Variants in PRELID2 observed in about 807,000 individuals in gnomAD.
PRELID2 encodes the protein PRELI domain containing 2.
Under a neutral mutation model 28.4 loss-of-function variants are expected in PRELID2, and 25 were observed. That is an observed-to-expected ratio of 0.88 (90% CI 0.64 to 1.23). The LOEUF is 1.23. Ranked by LOEUF, PRELID2 falls within the 50% of genes most tolerant of loss-of-function variation. The pLI is 0.00. For synonymous variants in PRELID2, 76 were observed against 71.6 expected, an observed-to-expected ratio of 1.06 and a Z score of -0.31; for missense variants, 201 against 214.4, an observed-to-expected ratio of 0.94 and a Z score of 0.39.
intron 1 of PRELID2, among the ~76,000 whole-genome samples, chr5:145,476,383 G>A (rs1580951101): frequency 6.6e-6 from 1 of 152,322 alleles, no homozygotes. Context: ...GGTGGCTCAC[G>A]CCTGTAATTC....
the PRELID2 span, among the ~76,000 whole-genome samples, chr5:145,291,261 C>T: frequency 5.9e-4 from 84 of 141,954 alleles, 1 homozygote; most frequent in Non-Finnish European, 2.0e-4. Flanking sequence ...TGCTTGAACC[C>T]GGGAGGCGGA....
intron 1 of PRELID2, among the ~76,000 whole-genome samples, chr5:145,749,260 A>G (rs141399282): frequency 0.024 from 3,594 of 152,312 alleles, 92 homozygotes; most frequent in East Asian, 0.077. Flanking sequence ...CAAGGAACTT[A>G]AACAAATTTA....
At chr5:145,439,849 A>C in the PRELID2 span, among the ~76,000 whole-genome samples, 1 of 152,046 alleles carries the variant, frequency 6.6e-6, no homozygotes, top group African/African-American at 2.4e-5. Context: ...TTTATCAAGG[A>C]GCACAGATCT....
the PRELID2 span, among the ~76,000 whole-genome samples, chr5:145,417,420 C>T: frequency 1.3e-5 from 2 of 152,116 alleles, no homozygotes; most frequent in African/African-American, 4.8e-5. Context: ...CATCCTGATA[C>T]CAAAACCTGG....
intron 1 of PRELID2, among the ~76,000 whole-genome samples, chr5:145,559,233 G>A (rs1259567470): frequency 6.6e-6 from 1 of 151,286 alleles, no homozygotes; most frequent in Non-Finnish European, 1.5e-5. Context: ...CAGCCTGGGC[G>A]ACTGAGCGAG....
intron 4 of PRELID2, among the ~76,000 whole-genome samples, chr5:145,808,454 T>A (rs1753681251): frequency 6.6e-6 from 1 of 152,196 alleles, no homozygotes; most frequent in South Asian, 2.1e-4. Flanking sequence ...TTGTGATTTT[T>A]CAGATGAACA....
At chr5:145,711,099 A>C (rs1755681739) in intron 1 of PRELID2, among the ~76,000 whole-genome samples, 1 of 152,190 alleles carries the variant, frequency 6.6e-6, no homozygotes, top group African/African-American at 2.4e-5. Flanking sequence ...ATTCAAGAGG[A>C]TCAATACCTG....
At chr5:145,707,454 T>C (rs576521916) in intron 1 of PRELID2, among the ~76,000 whole-genome samples, 2 of 152,284 alleles carry the variant, frequency 1.3e-5, no homozygotes, top group South Asian at 4.2e-4. Context: ...CAATAGAGAA[T>C]AAGGTATAGG....
At chr5:145,704,005 C>T (rs1035101244) in intron 1 of PRELID2, 3 of 152,206 alleles carry the variant, frequency 2.0e-5, no homozygotes, top group Non-Finnish European at 4.4e-5. Context: ...GGTTCAGAAG[C>T]AGGTTTTGTG....
chr5:145,377,181 C>T, the PRELID2 span, among the ~76,000 whole-genome samples: 1 of 152,230 alleles, frequency 6.6e-6, no homozygotes, highest in African/African-American at 2.4e-5. Flanking sequence ...ATTCAATTTC[C>T]ATGTAATTGC....
the PRELID2 span, among the ~76,000 whole-genome samples, chr5:145,349,246 T>C: frequency 1.3e-5 from 2 of 152,188 alleles, no homozygotes; most frequent in African/African-American, 4.8e-5. Context: ...CTAAACCCCC[T>C]TTTTGAAATG....
chr5:145,683,343 A>T (rs1433998050), intron 1 of PRELID2, among the ~76,000 whole-genome samples: 2 of 152,236 alleles, frequency 1.3e-5, no homozygotes, highest in Non-Finnish European at 2.9e-5. Flanking sequence ...ATTATTGAAC[A>T]TGATAGTCCA....
chr5:145,330,881 G>A, the PRELID2 span, among the ~76,000 whole-genome samples: 1 of 152,064 alleles, frequency 6.6e-6, no homozygotes, highest in Non-Finnish European at 1.5e-5. Flanking sequence ...GTTGATTTTA[G>A]ATCTTTCCGG....
At chr5:145,240,370 T>C in the PRELID2 span, among the ~76,000 whole-genome samples, 36,628 of 151,794 alleles carry the variant, frequency 0.24, 5,470 homozygotes, top group Non-Finnish European at 0.31. Context: ...TTCTGTCTTT[T>C]CCAAGGTTTT....
chr5:145,447,333 G>C, the PRELID2 span, among the ~76,000 whole-genome samples: 2 of 151,680 alleles, frequency 1.3e-5, no homozygotes, highest in South Asian at 4.1e-4. Context: ...AATGGCTTCT[G>C]TTGCTGCTTT....
intron 1 of PRELID2, among the ~76,000 whole-genome samples, chr5:145,606,878 T>A (rs1753512396): frequency 6.6e-6 from 1 of 151,594 alleles, no homozygotes; most frequent in Non-Finnish European, 1.5e-5. Context: ...TTGGCTGCGC[T>A]TTTTCTGGTT....
the PRELID2 span, among the ~76,000 whole-genome samples, chr5:145,355,757 A>T: frequency 6.6e-6 from 1 of 152,188 alleles, no homozygotes; most frequent in Non-Finnish European, 1.5e-5. Context: ...TAATAGTGTT[A>T]CTGAAAATAA....
chr5:145,528,614 G>A (rs919068111), intron 1 of PRELID2, among the ~76,000 whole-genome samples: 3 of 149,982 alleles, frequency 2.0e-5, no homozygotes, highest in African/African-American at 7.4e-5. Flanking sequence ...AGGCATACTG[G>A]TATACTTGAC....
chr5:145,495,979 T>C (rs182586282), intron 1 of PRELID2, among the ~76,000 whole-genome samples: 9 of 152,306 alleles, frequency 5.9e-5, no homozygotes, highest in Admixed American at 3.9e-4. Context: ...CTTTATATAA[T>C]GCTAAGTTCC....
Sources: gnomAD v4.1 joint callset for allele counts (sites outside exome capture counted in the v4.1 genomes callset) on GRCh38, gnomAD v4.1.1 for gene constraint, MANE v1.5 for transcripts, NCBI Gene and HGNC (gene_info 2026-07-23, HGNC 2026-07-21) for gene names.